FZR1: variants seen among roughly 807,000 people sequenced by gnomAD.
FZR1 encodes fizzy-related protein homolog.
In FZR1, 11 loss-of-function variants were observed where a neutral mutation model predicts 63.6. The observed-to-expected ratio is 0.17, with a 90% CI of 0.11 to 0.29. The LOEUF (loss-of-function observed/expected upper bound fraction) is 0.29, where lower values mean the gene tolerates loss of function less well. FZR1 is among the 10% of genes least tolerant of loss of function. FZR1 has a pLI of 1.00. For missense variants in FZR1, 440 were observed against 687.5 expected, an observed-to-expected ratio of 0.64 and a Z score of 4.03; for synonymous variants, 328 against 297.9, an observed-to-expected ratio of 1.10 and a Z score of -1.04.
In FZR1 at chr19:3,533,961, G is replaced by A. The variant is rs866175743; in HGVS notation, c.1348-460G>A. Among the ~76,000 whole-genome samples, 221 of 152,212 alleles carry A rather than the reference G, an allele frequency of 1.5e-3. 2 individuals are homozygous for A. The highest frequency in any genetic ancestry group is 3.4e-3 in the Middle Eastern group (1 of 292). On this transcript the variant is annotated intron_variant, in intron 12 of 13. Coordinates refer to ENST00000441788, the MANE Select transcript of FZR1 (RefSeq NM_016263.4). This position sits in a 1 kb window ranked among gnomAD's most constrained non-coding sequence, Gnocchi z 4.9. ...ACCTTGGCTAGGTGCGGTGGCTCAC[G>A]CCTGTAATCCCTGCACTTCAGGAAG...
intron 1 of FZR1, chr19:3,521,396 GT>G (rs1187514141): frequency 1.3e-5 from 2 of 152,200 alleles, no homozygotes; most frequent in Non-Finnish European, 2.9e-5. Flanking sequence ...TGGGGAGTGA[GT>G]GTTCCATGGC....
At position 3,522,982 on chromosome 19, in the gene FZR1, G is replaced by C; in HGVS notation, c.-8G>C. The stretch of plus-strand genomic sequence containing the variant: ...CTAACCTTGCCGCGGGCCGAGCCCT[G>C]CCTCGCCATGGACCAGGACTATGAG... On this transcript the variant is annotated 5_prime_UTR_variant, in exon 2 of 14. Coordinates refer to ENST00000441788, the MANE Select transcript of FZR1 (RefSeq NM_016263.4). 4.4e-6 allele frequency: 7 copies of C among 1,608,178 alleles called. No homozygotes were observed. Among genetic ancestry groups the C allele is most frequent in the Non-Finnish European group, 6.0e-6 (7 of 1,175,662 alleles).
At position 3,514,010 on chromosome 19, in the gene FZR1, C is replaced by G. The variant is rs1006953347; in HGVS notation, c.-35+7536C>G. ...GTTTTCCCAGCCAAGCAAGGCGTTG[C>G]AGGAGTAGGAGCTTGGCTGAGCCTC... On this transcript the variant is annotated intron_variant, in intron 1 of 13. Coordinates refer to ENST00000441788, the MANE Select transcript of FZR1 (RefSeq NM_016263.4). This position sits in a 1 kb window ranked among gnomAD's most constrained non-coding sequence, Gnocchi z 4.2. 6.6e-6 allele frequency among the ~76,000 whole-genome samples: 1 copy of G among 152,178 alleles called. No individual in the cohort carries two copies. Among genetic ancestry groups the G allele is most frequent in the African/African-American group, 2.4e-5 (1 of 41,446 alleles).
At chr19:3,523,522 C>T (rs10419221) in intron 2 of FZR1, among the ~76,000 whole-genome samples, 1 of 152,234 alleles carries the variant, frequency 6.6e-6, no homozygotes, top group African/African-American at 2.4e-5. Flanking sequence ...GGGCTGGTGG[C>T]TGCTGTGTGA....
chr19:3,510,845 G>GT (rs2083019263), intron 1 of FZR1, among the ~76,000 whole-genome samples: 1 of 152,238 alleles, frequency 6.6e-6, no homozygotes, highest in South Asian at 2.1e-4. Flanking sequence ...CATGGAGTGA[G>GT]TGGAGGCCAG....
intron 7 of FZR1, among the ~76,000 whole-genome samples, chr19:3,528,140 T>C (rs2083181012): frequency 6.6e-6 from 1 of 152,004 alleles, no homozygotes; most frequent in South Asian, 2.1e-4. Context: ...TCTGTTCAGC[T>C]CTATAGAGAA....
rs370958203 is a variant in FZR1, at chr19:3,535,246, A to C, written c.*410A>C. The C allele has an allele frequency of 5.7e-6, 1 of 176,486 alleles. No homozygotes were observed. Among genetic ancestry groups the C allele is most frequent in the African/African-American group, 2.7e-5 (1 of 37,122 alleles). 10.9% of individuals were successfully genotyped at this position (176,486 alleles called of 1,614,324 possible). ...TGCACAGAACAGACCACCAGACGCCAGGGCTGATTGGTGGGGGCCTGAGAC... is the reference window on the plus strand; with the variant it reads ...TGCACAGAACAGACCACCAGACGCCCGGGCTGATTGGTGGGGGCCTGAGAC... On this transcript the variant is annotated 3_prime_UTR_variant, in exon 14 of 14. Transcript: ENST00000441788.
In FZR1 at chr19:3,526,194, C is replaced by T; in HGVS notation, c.259+11C>T. The T allele has an allele frequency of 6.2e-7, 1 of 1,612,374 alleles. No individual in the cohort carries two copies. Among genetic ancestry groups the T allele is most frequent in the East Asian group, 2.2e-5 (1 of 44,874 alleles). Reference sequence around the variant, plus strand: ...CAGACAACGGCAAAGGTTAGGGTCCCAGCCCATCCGCCCTGCAGGCCCCCA... The same window carrying T: ...CAGACAACGGCAAAGGTTAGGGTCCTAGCCCATCCGCCCTGCAGGCCCCCA... On this transcript the variant is annotated intron_variant, in intron 4 of 13. Transcript: ENST00000441788. The surrounding 1 kb of genome is among the most constrained non-coding windows in gnomAD (Gnocchi z 5.4).
intron 1 of FZR1, among the ~76,000 whole-genome samples, chr19:3,513,184 C>G (rs981405415): frequency 2.6e-5 from 4 of 152,194 alleles, no homozygotes; most frequent in Admixed American, 2.6e-4. Context: ...GTTAGCCAGC[C>G]CACCCCCTGG....
In FZR1 at chr19:3,526,332, G is replaced by T. The variant is rs2083157399; in HGVS notation, c.333G>T (p.Gln111His). The T allele has an allele frequency of 1.2e-6, 2 of 1,603,162 alleles. No individual in the cohort carries two copies. The highest frequency in any genetic ancestry group is 1.7e-6 in the Non-Finnish European group (2 of 1,175,716). The change falls in exon 5 of 14, where the codon CAG (glutamine) becomes CAT (histidine). Residue 111 changes from glutamine (Q) to histidine (H), a missense_variant. Transcript: ENST00000441788. The surrounding 1 kb of genome is among the most constrained non-coding windows in gnomAD (Gnocchi z 5.4). Reference protein sequence around the residue: ...GAGIEKVQDPQTEDRRLQPST... With the variant: ...GAGIEKVQDPHTEDRRLQPST... Reference sequence around the variant, plus strand: ...GCATCGAGAAGGTGCAGGACCCGCAGACTGAGGACCGCAGGCTGCAGCCCT... The same window carrying T: ...GCATCGAGAAGGTGCAGGACCCGCATACTGAGGACCGCAGGCTGCAGCCCT...
intron 1 of FZR1, among the ~76,000 whole-genome samples, chr19:3,518,011 C>CTTTTTTTTTT (rs1220242480): frequency 2.7e-5 from 3 of 109,488 alleles, no homozygotes; most frequent in African/African-American, 3.8e-5. Context: ...CTGTTTCTTT[C>CTTTTTTTTTT]TTTTTTTTTT....
Position 3,533,741 on chromosome 19 carries a change from A to T in FZR1, c.1347+343A>T, listed in dbSNP as rs767337989. 12 of 260,268 alleles carry T rather than the reference A, an allele frequency of 4.6e-5. No individual in the cohort carries two copies. The highest frequency in any genetic ancestry group is 2.6e-3 in the Middle Eastern group (2 of 780). The allele number at this position is 260,268 out of a possible 1,614,324, so 16.1% of individuals were successfully genotyped here. On this transcript the variant is annotated intron_variant, in intron 12 of 13. Coordinates refer to ENST00000441788, the MANE Select transcript of FZR1 (RefSeq NM_016263.4). The surrounding 1 kb of genome is among the most constrained non-coding windows in gnomAD (Gnocchi z 4.9). ...GACCCTGTGAACGTCCTACACAGTA[A>T]CTGTATGCACGTGGCTGGATGGGGG...
chr19:3,525,737 T>C lies in FZR1; in HGVS notation c.70-131T>C, dbSNP rs1022278925. On this transcript the variant is annotated intron_variant, in intron 2 of 13. Coordinates refer to ENST00000441788, the MANE Select transcript of FZR1 (RefSeq NM_016263.4). This position sits in a 1 kb window ranked among gnomAD's most constrained non-coding sequence, Gnocchi z 4.2. ...GATTACGGGCGTGAGCCACCGCGCC[T>C]GGCCCACCCCTTGGGTTTTCAAGAT... The C allele has an allele frequency of 2.9e-5, 33 of 1,146,012 alleles. No homozygotes were observed. The highest frequency in any genetic ancestry group is 4.5e-5 in the Admixed American group (2 of 44,812). The allele number at this position is 1,146,012 out of a possible 1,614,324, so 71.0% of individuals were successfully genotyped here. A position where few individuals can be genotyped will look rare whatever the true frequency, so the allele number is the denominator to read the frequency against.
rs192588665 is a variant in FZR1 at position 3,513,488 on chromosome 19, T to C, written c.-35+7014T>C. 4.6e-3 allele frequency among the ~76,000 whole-genome samples: 697 copies of C among 152,298 alleles called. 4 individuals are homozygous for C. The highest frequency in any genetic ancestry group is 0.015 in the African/African-American group (606 of 41,568). On this transcript the variant is annotated intron_variant, in intron 1 of 13. Transcript: ENST00000441788. ...ACGTCCCAGCTCTACCCTCACCAACTGCATGGGGACCTTGAGCAGAGGGTG... is the reference window on the plus strand; with the variant it reads ...ACGTCCCAGCTCTACCCTCACCAACCGCATGGGGACCTTGAGCAGAGGGTG...
chr19:3,534,755 C>A, intron 13 of FZR1, 40 bp from the exon 14 acceptor site: 1 of 1,594,428 alleles, frequency 6.3e-7, no homozygotes, highest in Non-Finnish European at 8.6e-7. Flanking sequence ...CCTCCCTGGG[C>A]CTGCGGCTCA....
In FZR1 at chr19:3,526,345, A is replaced by C; in HGVS notation, c.346A>C (p.Arg116=). The C allele has an allele frequency of 6.2e-7, 1 of 1,600,572 alleles. No individual in the cohort carries two copies. Among genetic ancestry groups the C allele is most frequent in the Non-Finnish European group, 8.5e-7 (1 of 1,174,512 alleles). ...GCAGGACCCGCAGACTGAGGACCGCAGGCTGCAGCCCTCCACGCCTGAGAA... is the reference window on the plus strand; with the variant it reads ...GCAGGACCCGCAGACTGAGGACCGCCGGCTGCAGCCCTCCACGCCTGAGAA... ...KVQDPQTEDR[R]LQPSTPEKKG... The change falls in exon 5 of 14, where the codon AGG becomes CGG. Residue 116 remains arginine (R), a synonymous_variant. Transcript: ENST00000441788. The surrounding 1 kb of genome is among the most constrained non-coding windows in gnomAD (Gnocchi z 5.4).
In FZR1 at chr19:3,536,125, A is replaced by G. The variant is rs1305815463; in HGVS notation, c.*1289A>G. The G allele has an allele frequency of 1.3e-5, 2 of 152,148 alleles. No homozygotes were observed. The highest frequency in any genetic ancestry group is 2.4e-5 in the African/African-American group (1 of 41,412). The allele number at this position is 152,148 out of a possible 1,614,324, so 9.4% of individuals were successfully genotyped here. A position where few individuals can be genotyped will look rare whatever the true frequency, so the allele number is the denominator to read the frequency against. On this transcript the variant is annotated 3_prime_UTR_variant, in exon 14 of 14. Transcript: ENST00000441788. Reference sequence around the variant, plus strand: ...CCCACTCCCCACTCCCCACATCCCAACATCCTGGTGTCTGTCCCCAGTGGG... The same window carrying G: ...CCCACTCCCCACTCCCCACATCCCAGCATCCTGGTGTCTGTCCCCAGTGGG...
At position 3,530,423 on chromosome 19, in the gene FZR1, C is replaced by CATGGGAGAGCGG. The variant is rs1211564477; in HGVS notation, c.655-357_655-346dup. On this transcript the variant is annotated intron_variant, in intron 7 of 13. Transcript: ENST00000441788. ...GGATGGGAGAGCGCATGGGAGAGCGCATGGGAGAGCGGATGGGAGAGCGCA... is the reference window on the plus strand; with the variant it reads ...GGATGGGAGAGCGCATGGGAGAGCGCATGGGAGAGCGGATGGGAGAGCGGATGGGAGAGCGCA... Among the ~76,000 whole-genome samples, 24 of 43,318 alleles carry CATGGGAGAGCGG rather than the reference C, an allele frequency of 5.5e-4. 1 individual carries two copies. Among genetic ancestry groups the CATGGGAGAGCGG allele is most frequent in the African/African-American group, 1.3e-3 (21 of 15,988 alleles). The allele number at this position is 43,318 out of a possible 152,430, so 28.4% of individuals were successfully genotyped here.
At position 3,532,394 on chromosome 19, in the gene FZR1, G is replaced by A. The variant is rs2083257527; in HGVS notation, c.1009-23G>A. The A allele has an allele frequency of 3.8e-6, 6 of 1,564,192 alleles. No individual in the cohort carries two copies. In the Admixed American group the frequency reaches 1.1e-4, roughly 29 times the overall value. ...GGACCACAGGGCTGGGACAGCCCCG[G>A]CCTCACAGCCCCTGTCCCCCAGCTG... On this transcript the variant is annotated intron_variant, in intron 10 of 13. Coordinates refer to ENST00000441788, the MANE Select transcript of FZR1 (RefSeq NM_016263.4).
Sources: allele counts gnomAD v4.1 joint callset (sites outside exome capture counted in the v4.1 genomes callset), GRCh38; gene constraint gnomAD v4.1.1; non-coding constraint Gnocchi (gnomAD v3.1); transcripts MANE v1.5; gene names NCBI Gene and HGNC (gene_info 2026-07-23, HGNC 2026-07-21).